The following ZHX3 variants were observed in gnomAD, a reference collection of about 807,000 sequenced individuals.
The protein encoded by ZHX3 is zinc fingers and homeoboxes 3.
A neutral mutation model predicts 64.5 loss-of-function variants in ZHX3; 20 were observed. The ratio of observed to expected loss-of-function variants is 0.31; its 90% CI spans 0.22 to 0.45. The LOEUF (loss-of-function observed/expected upper bound fraction) is 0.45. Ranked by LOEUF, ZHX3 falls within the 20% of genes least tolerant of loss-of-function variation. The probability of loss-of-function intolerance (pLI) is 1.00; values close to 1 mark genes in which losing one functional copy is unlikely to be tolerated. For synonymous variants in ZHX3, 423 were observed against 461.6 expected, an observed-to-expected ratio of 0.92 and a Z score of 1.07; for missense variants, 1,041 against 1,195.8, an observed-to-expected ratio of 0.87 and a Z score of 1.91.
chr20:41,289,200 C>T (rs2044098491), intron 1 of ZHX3, among the ~76,000 whole-genome samples: 2 of 151,826 alleles, frequency 1.3e-5, no homozygotes. Flanking sequence ...CAGGGTCTCA[C>T]TTTGTTGCCC....
Position 41,200,929 on chromosome 20 carries a change from T to TCTAC in ZHX3, c.2860+1127_2860+1128insGTAG, listed in dbSNP as rs2038166378. On this transcript the variant is annotated intron_variant, in intron 3 of 3. Transcript: ENST00000683867. This position sits in a 1 kb window ranked among gnomAD's most constrained non-coding sequence, Gnocchi z 4.2. Reference sequence around the variant, plus strand: ...GAGAAAGAAAAAGAATTTTGTCCTTTTTAAGACATCCTAAGTAGAAAGCAA... The same window carrying TCTAC: ...GAGAAAGAAAAAGAATTTTGTCCTTTCTACTTAAGACATCCTAAGTAGAAAGCAA... 6.6e-6 allele frequency among the ~76,000 whole-genome samples: 1 copy of TCTAC among 152,246 alleles called. No individual in the cohort carries two copies. Among genetic ancestry groups the TCTAC allele is most frequent in the Non-Finnish European group, 1.5e-5 (1 of 68,042 alleles).
intron 2 of ZHX3, among the ~76,000 whole-genome samples, chr20:41,210,398 G>A (rs548687799): frequency 1.3e-3 from 195 of 152,242 alleles, no homozygotes; most frequent in Middle Eastern, 6.8e-3. Context: ...ACATGCACAC[G>A]TATGTTTATT....
At chr20:41,265,346 G>A (rs1056284252) in intron 2 of ZHX3, among the ~76,000 whole-genome samples, 12 of 151,958 alleles carry the variant, frequency 7.9e-5, no homozygotes, top group Non-Finnish European at 1.3e-4. Context: ...GGGATTACAG[G>A]CACCCACCAC....
chr20:41,210,863 T>G (rs1353553273), intron 2 of ZHX3, among the ~76,000 whole-genome samples: 1 of 152,078 alleles, frequency 6.6e-6, no homozygotes, highest in Non-Finnish European at 1.5e-5. Context: ...ATAAGTAATC[T>G]TCACATATGC....
At chr20:41,293,776 A>G (rs1175236460) in intron 1 of ZHX3, among the ~76,000 whole-genome samples, 1 of 152,234 alleles carries the variant, frequency 6.6e-6, no homozygotes, top group African/African-American at 2.4e-5. Flanking sequence ...TGGGGACATC[A>G]TGGTCATATT....
At chr20:41,215,074 T>C (rs1239610140) in intron 2 of ZHX3, among the ~76,000 whole-genome samples, 2 of 152,036 alleles carry the variant, frequency 1.3e-5, no homozygotes, top group East Asian at 1.9e-4. Flanking sequence ...GCCAACAACA[T>C]GGTGAAACCC....
At chr20:41,305,328 A>G (rs1017240567) in intron 1 of ZHX3, among the ~76,000 whole-genome samples, 1 of 152,156 alleles carries the variant, frequency 6.6e-6, no homozygotes, top group Non-Finnish European at 1.5e-5. Flanking sequence ...CCCTGCCTCT[A>G]CAAAAAATAC....
chr20:41,300,641 C>T (rs1483566510), intron 1 of ZHX3, among the ~76,000 whole-genome samples: 3 of 152,156 alleles, frequency 2.0e-5, no homozygotes, highest in African/African-American at 7.2e-5. Context: ...CTACCCAGCC[C>T]GAGGGGTCAG....
intron 3 of ZHX3, among the ~76,000 whole-genome samples, chr20:41,186,360 T>C (rs2036523612): frequency 6.6e-6 from 1 of 152,246 alleles, no homozygotes; most frequent in Admixed American, 6.5e-5. Context: ...CTGAATAATA[T>C]CTTACTGTAT....
In ZHX3 at chr20:41,179,501, G is replaced by A. The variant is rs990192599; in HGVS notation, c.*5690C>T. On this transcript the variant is annotated 3_prime_UTR_variant, in exon 4 of 4. Coordinates refer to ENST00000683867, the MANE Select transcript of ZHX3 (RefSeq NM_001384317.1). This position sits in a 1 kb window ranked among gnomAD's most constrained non-coding sequence, Gnocchi z 4.3. ...CCTAAACAAATTACAGGATTCATAG[G>A]TACCATGTAGATTTTTCTTTTAAAT... 6.7e-6 allele frequency: 1 copy of A among 150,330 alleles called. No homozygotes were observed. The highest frequency in any genetic ancestry group is 1.5e-5 in the Non-Finnish European group (1 of 68,030). The allele number at this position is 150,330 out of a possible 1,614,324, so 9.3% of individuals were successfully genotyped here.
At position 41,302,053 on chromosome 20, in the gene ZHX3, C is replaced by CAAAAAAAAA. The variant is rs555883542; in HGVS notation, c.-245+15447_-245+15455dup. On this transcript the variant is annotated intron_variant, in intron 1 of 3. Transcript: ENST00000683867. Reference sequence around the variant, plus strand: ...TGGGCGACGGAGCGAGACTCCATCTCAAAAAAAAAAAAAAAAAAAAAAAAA... The same window carrying CAAAAAAAAA: ...TGGGCGACGGAGCGAGACTCCATCTCAAAAAAAAAAAAAAAAAAAAAAAAAAAAAAAAAA... Among the ~76,000 whole-genome samples the CAAAAAAAAA allele has an allele frequency of 6.6e-4, 41 of 62,362 alleles. 1 individual carries two copies. The highest frequency in any genetic ancestry group is 4.8e-3 in the East Asian group (10 of 2,064). 40.9% of individuals were successfully genotyped at this position (62,362 alleles called of 152,430 possible).
chr20:41,202,865 C>G lies in ZHX3; in HGVS notation c.2052G>C (p.Glu684Asp), dbSNP rs540161567. The G allele has an allele frequency of 1.9e-6, 3 of 1,614,088 alleles. No homozygotes were observed. The highest frequency in any genetic ancestry group is 2.5e-6 in the Non-Finnish European group (3 of 1,180,048). Reference sequence around the variant, plus strand: ...CTCCACCCTCATCCTCAGCAGCCTCCTCTTCCTCCTGAGAGGCATTCTCCT... The same window carrying G: ...CTCCACCCTCATCCTCAGCAGCCTCGTCTTCCTCCTGAGAGGCATTCTCCT... Reference protein sequence around the residue: ...KAEENASQEEEEAAEDEGGEE... With the variant: ...KAEENASQEEDEAAEDEGGEE... Residue 684 changes from glutamate to aspartate, a missense_variant, in exon 3 of 4, where the codon GAG (glutamate) becomes GAC (aspartate). Glu to Asp is a conservative substitution (Grantham distance 45). This residue lies in a region of ZHX3 where 649 missense variants were observed against 739.8 expected (regional missense o/e 0.88). Coordinates refer to ENST00000683867, the MANE Select transcript of ZHX3 (RefSeq NM_001384317.1). The surrounding 1 kb of genome is among the most constrained non-coding windows in gnomAD (Gnocchi z 7.0).
At chr20:41,191,228 ATTCTTTTTTAT>A (rs1203316974) in intron 3 of ZHX3, among the ~76,000 whole-genome samples, 1 of 139,398 alleles carries the variant, frequency 7.2e-6, no homozygotes, top group Non-Finnish European at 1.5e-5. Context: ...CTCATTTTTT[ATTCTTTTTTAT>A]TTCTGAGTTA....
intron 3 of ZHX3, among the ~76,000 whole-genome samples, chr20:41,199,437 A>C (rs1012602601): frequency 5.3e-5 from 8 of 151,914 alleles, no homozygotes; most frequent in African/African-American, 1.5e-4. Context: ...GACTTTTCCA[A>C]CTATTTTTGT....
intron 2 of ZHX3, chr20:41,267,643 T>C (rs191053384): frequency 6.6e-6 from 1 of 152,320 alleles, no homozygotes; most frequent in East Asian, 1.9e-4. Context: ...GATAGAGTGA[T>C]TCCAGGGTAT....
chr20:41,223,603 AAT>A (rs1041086603), intron 2 of ZHX3, among the ~76,000 whole-genome samples: 4 of 152,338 alleles, frequency 2.6e-5, no homozygotes, highest in African/African-American at 9.6e-5. Context: ...CCTCGAGAAA[AAT>A]ATGTGAGAAA....
intron 2 of ZHX3, among the ~76,000 whole-genome samples, chr20:41,255,901 T>C (rs2042226209): frequency 6.6e-6 from 1 of 152,334 alleles, no homozygotes; most frequent in African/African-American, 2.4e-5. Context: ...CTGATTTCTG[T>C]AGGCACTGAG....
At chr20:41,296,554 TC>T (rs919949849) in intron 1 of ZHX3, among the ~76,000 whole-genome samples, 4 of 152,178 alleles carry the variant, frequency 2.6e-5, no homozygotes, top group Non-Finnish European at 5.9e-5. Context: ...CATCCTTTTT[TC>T]CCCACCTTCT....
At position 41,278,638 on chromosome 20, in the gene ZHX3, A is replaced by G. The variant is rs555113195; in HGVS notation, c.-244-9555T>C. Among the ~76,000 whole-genome samples, 451 of 142,170 alleles carry G rather than the reference A, an allele frequency of 3.2e-3. 69 individuals are homozygous for G. Among genetic ancestry groups the G allele is most frequent in the African/African-American group, 0.011 (427 of 37,980 alleles). The allele number at this position is 142,170 out of a possible 152,430, so 93.3% of individuals were successfully genotyped here. A position where few individuals can be genotyped will look rare whatever the true frequency, so the allele number is the denominator to read the frequency against. On this transcript the variant is annotated intron_variant, in intron 1 of 3. Coordinates refer to ENST00000683867, the MANE Select transcript of ZHX3 (RefSeq NM_001384317.1). ...GCTTGGCAATTTAGAAAATAATGCC[A>G]ATATTTTCCTGAATATACTTATTGT...
Sources: allele counts gnomAD v4.1 joint callset (sites outside exome capture counted in the v4.1 genomes callset), GRCh38; gene constraint gnomAD v4.1.1; regional missense constraint gnomAD v4.1.1; non-coding constraint Gnocchi (gnomAD v3.1); transcripts MANE v1.5; gene names NCBI Gene and HGNC (gene_info 2026-07-23, HGNC 2026-07-21).